The following ZSWIM7 variants were observed in gnomAD, a reference collection of about 807,000 sequenced individuals.
ZSWIM7 encodes the protein zinc finger SWIM-type containing 7, also known as zinc finger SWIM domain-containing protein 7.
A neutral mutation model predicts 21.1 loss-of-function variants in ZSWIM7; 22 were observed. The observed-to-expected ratio is 1.04, with a 90% CI of 0.74 to 1.49. The LOEUF is 1.49. ZSWIM7 is among the 40% of genes most tolerant of loss of function. ZSWIM7 has a pLI of 0.00. For synonymous variants in ZSWIM7, 67 were observed against 66.5 expected (o/e 1.01, Z -0.04); for missense variants, 193 against 168.0 (o/e 1.15, Z -0.82).
At chr17:15,978,945 CTCTTT>C (rs1970311167) in intron 4 of ZSWIM7, among the ~76,000 whole-genome samples, 2 of 146,242 alleles carry the variant, frequency 1.4e-5, no homozygotes, top group Admixed American at 1.3e-4. Context: ...AGGCTACTCT[CTCTTT>C]TTTTTTTTTT....
chr17:15,979,363 A>G (rs1970317811), intron 4 of ZSWIM7, among the ~76,000 whole-genome samples: 2 of 152,146 alleles, frequency 1.3e-5, no homozygotes, highest in Non-Finnish European at 2.9e-5. Flanking sequence ...TACAGAACAA[A>G]ATGGAAAGTC....
intron 3 of ZSWIM7, among the ~76,000 whole-genome samples, chr17:15,986,355 G>A (rs1355093235): frequency 6.6e-6 from 1 of 151,832 alleles, no homozygotes; most frequent in African/African-American, 2.4e-5. Flanking sequence ...TCTTATTTTA[G>A]TTACAAAAAT....
Position 15,977,283 on chromosome 17 carries a change from G to A in ZSWIM7, c.*764C>T, listed in dbSNP as rs930197985. 6.6e-6 allele frequency: 1 copy of A among 152,138 alleles called. No individual in the cohort carries two copies. The highest frequency in any genetic ancestry group is 6.5e-5 in the Admixed American group (1 of 15,268). 9.4% of individuals were successfully genotyped at this position (152,138 alleles called of 1,614,324 possible). A position where few individuals can be genotyped will look rare whatever the true frequency, so the allele number is the denominator to read the frequency against. ...AGCCACATCTCTGCTCTGATCTTCT[G>A]TTGCTGCTCAATAGTTTCCTGGACC... On this transcript the variant is annotated 3_prime_UTR_variant, in exon 5 of 5. Coordinates refer to ENST00000399277, the MANE Select transcript of ZSWIM7 (RefSeq NM_001042697.2).
At chr17:15,989,680 G>C (rs1284317070) in intron 2 of ZSWIM7, among the ~76,000 whole-genome samples, 1 of 152,014 alleles carries the variant, frequency 6.6e-6, no homozygotes, top group Non-Finnish European at 1.5e-5. Context: ...AGGCAGGCTG[G>C]ATTCCAGTGG....
intron 2 of ZSWIM7, among the ~76,000 whole-genome samples, chr17:15,991,945 A>G (rs1355314010): frequency 6.9e-5 from 9 of 129,848 alleles, no homozygotes; most frequent in African/African-American, 2.8e-4. Flanking sequence ...TTTTTTTTTG[A>G]GACAGAGTCT....
intron 4 of ZSWIM7, among the ~76,000 whole-genome samples, chr17:15,979,697 G>A (rs1313008076): frequency 1.4e-5 from 2 of 143,778 alleles, no homozygotes; most frequent in Non-Finnish European, 3.1e-5. Context: ...CCCGAATGGG[G>A]CGGCTGGCCG....
chr17:15,990,335 G>A (rs1488295987), intron 2 of ZSWIM7, among the ~76,000 whole-genome samples: 2 of 151,728 alleles, frequency 1.3e-5, no homozygotes, highest in Non-Finnish European at 2.9e-5. Context: ...TTATAAGTGT[G>A]GGTTATTATT....
intron 2 of ZSWIM7, among the ~76,000 whole-genome samples, chr17:15,990,118 A>T (rs1332176316): frequency 6.6e-6 from 1 of 150,586 alleles, no homozygotes; most frequent in Non-Finnish European, 1.5e-5. Flanking sequence ...TACTTGGGAG[A>T]CCGAGGCAGG....
In ZSWIM7 at chr17:15,999,663, T is replaced by TGGAGG; in HGVS notation, c.-74_-70dup. On this transcript the variant is annotated 5_prime_UTR_variant, in exon 1 of 5. Coordinates refer to ENST00000399277, the MANE Select transcript of ZSWIM7 (RefSeq NM_001042697.2). ...CGCTCCAGCTGACTGCGCCTACCTG[T>TGGAGG]GGAGGATCCTGACCCCCCGCCGGGG... 4.5e-6 allele frequency: 7 copies of TGGAGG among 1,562,044 alleles called. No individual in the cohort carries two copies. Among genetic ancestry groups the TGGAGG allele is most frequent in the Non-Finnish European group, 6.1e-6 (7 of 1,154,188 alleles).
At chr17:15,983,833 C>A (rs949952427) in intron 3 of ZSWIM7, among the ~76,000 whole-genome samples, 1 of 152,080 alleles carries the variant, frequency 6.6e-6, no homozygotes, top group Non-Finnish European at 1.5e-5. Flanking sequence ...GTGATCCACC[C>A]GCCTCAGCCT....
At chr17:15,979,492 T>C (rs1285299518) in intron 4 of ZSWIM7, among the ~76,000 whole-genome samples, 1 of 152,190 alleles carries the variant, frequency 6.6e-6, no homozygotes, top group Admixed American at 6.5e-5. Flanking sequence ...CCGCTCTCAA[T>C]GAGCTGTTGG....
At chr17:15,990,362 C>G (rs1970467574) in intron 2 of ZSWIM7, among the ~76,000 whole-genome samples, 1 of 150,652 alleles carries the variant, frequency 6.6e-6, no homozygotes, top group Non-Finnish European at 1.5e-5. Context: ...ATTATTATTA[C>G]TGAGTTGGAG....
At position 15,981,077 on chromosome 17, in the gene ZSWIM7, A is replaced by C. The variant is rs1225563660; in HGVS notation, c.269T>G (p.Phe90Cys). The C allele has an allele frequency of 6.2e-7, 1 of 1,613,928 alleles. No individual in the cohort carries two copies. Among genetic ancestry groups the C allele is most frequent in the South Asian group, 1.1e-5 (1 of 91,066 alleles). ...ASCHYCSCPAFAFSVLRKSDS... is the reference protein window; with the variant it reads ...ASCHYCSCPACAFSVLRKSDS... Reference sequence around the variant, plus strand: ...ACTCTTCCGTAGCACTGAGAATGCAAATGCAGGACATGAACAGTAATGACA... The same window carrying C: ...ACTCTTCCGTAGCACTGAGAATGCACATGCAGGACATGAACAGTAATGACA... Residue 90 changes from phenylalanine to cysteine, a missense_variant, in exon 4 of 5, where the codon TTT becomes TGT. Coordinates refer to ENST00000399277, the MANE Select transcript of ZSWIM7 (RefSeq NM_001042697.2).
At chr17:15,980,249 G>C (rs1385742998) in intron 4 of ZSWIM7, 1 of 152,444 alleles carries the variant, frequency 6.6e-6, no homozygotes, top group African/African-American at 2.4e-5. Context: ...ACACCTCTGG[G>C]GAGATGATTG....
At position 15,994,831 on chromosome 17, in the gene ZSWIM7, A is replaced by G. The variant is rs562749866; in HGVS notation, c.77-1053T>C. 2.0e-5 allele frequency among the ~76,000 whole-genome samples: 3 copies of G among 152,274 alleles called. 1 individual carries two copies. Among genetic ancestry groups the G allele is most frequent in the African/African-American group, 7.2e-5 (3 of 41,562 alleles). The stretch of plus-strand genomic sequence containing the variant: ...TGACACTGAAATGGTTTCCCCAACT[A>G]AATAGCCTACTGAGAACAACTATAG... On this transcript the variant is annotated intron_variant, in intron 1 of 4. Transcript: ENST00000399277.
intron 1 of ZSWIM7, among the ~76,000 whole-genome samples, chr17:15,999,112 AAAG>A (rs1419675704): frequency 6.6e-6 from 1 of 152,152 alleles, no homozygotes; most frequent in Admixed American, 6.5e-5. Context: ...AATTTGAGAA[AAAG>A]AAGTTTAATA....
At chr17:15,990,330 A>C (rs1191792624) in intron 2 of ZSWIM7, among the ~76,000 whole-genome samples, 1 of 151,770 alleles carries the variant, frequency 6.6e-6, no homozygotes, top group Non-Finnish European at 1.5e-5. Flanking sequence ...GTTTTTTATA[A>C]GTGTGGGTTA....
At chr17:15,991,934 T>G (rs1415286730) in intron 2 of ZSWIM7, among the ~76,000 whole-genome samples, 1 of 131,202 alleles carries the variant, frequency 7.6e-6, no homozygotes, top group African/African-American at 3.9e-5. Flanking sequence ...TTTTGTTTTG[T>G]TTTTTTTTTG....
chr17:15,996,449 T>C (rs922589849), intron 1 of ZSWIM7, among the ~76,000 whole-genome samples: 1 of 151,630 alleles, frequency 6.6e-6, no homozygotes, highest in Non-Finnish European at 1.5e-5. Context: ...AGTTCCAGAG[T>C]AGCCTGGGCA....
Sources: allele counts gnomAD v4.1 joint callset (sites outside exome capture counted in the v4.1 genomes callset), GRCh38; gene constraint gnomAD v4.1.1; transcripts MANE v1.5; gene names NCBI Gene and HGNC (gene_info 2026-07-23, HGNC 2026-07-21).